KLF16: variants seen among roughly 807,000 people sequenced by gnomAD.
The protein encoded by KLF16 is KLF transcription factor 16.
A neutral mutation model predicts 6.1 loss-of-function variants in KLF16; 6 were observed. The ratio of observed to expected loss-of-function variants is 0.98; its 90% CI spans 0.54 to 1.93. The LOEUF is 1.93. Among genes scored for constraint, KLF16 ranks in the 30% most tolerant of loss-of-function variants. The probability of loss-of-function intolerance (pLI) is 0.01; values close to 1 mark genes in which losing one functional copy is unlikely to be tolerated. For missense variants in KLF16, 355 were observed against 363.8 expected, an observed-to-expected ratio of 0.98 and a Z score of 0.20; for synonymous variants, 211 against 176.5, an observed-to-expected ratio of 1.20 and a Z score of -1.55.
At chr19:1,871,926 A>G in the KLF16 span, among the ~76,000 whole-genome samples, 1 of 152,046 alleles carries the variant, frequency 6.6e-6, no homozygotes, top group South Asian at 2.1e-4. Flanking sequence ...TCCGGCTGGC[A>G]TTTCCTTTCC....
upstream of KLF16, among the ~76,000 whole-genome samples, chr19:1,865,648 G>T (rs1039000861): frequency 2.6e-5 from 4 of 152,176 alleles, no homozygotes; most frequent in Non-Finnish European, 5.9e-5. Flanking sequence ...CCATTATCAG[G>T]GTTTCAAGTG....
upstream of KLF16, among the ~76,000 whole-genome samples, chr19:1,865,879 C>T (rs536670791): frequency 3.3e-5 from 5 of 152,374 alleles, no homozygotes; most frequent in African/African-American, 1.2e-4. Flanking sequence ...CCTGTAAATT[C>T]TCCACCGGGT....
At chr19:1,862,942 C>T (rs1373298025) in intron 1 of KLF16, 99 bp downstream of exon 1, 1 of 687,018 alleles carries the variant, frequency 1.5e-6, no homozygotes, top group East Asian at 8.1e-5. Flanking sequence ...GGCGCGCCCC[C>T]CTCCCCGCCC....
Position 1,863,232 on chromosome 19 carries a change from C to T in KLF16, c.266G>A (p.Gly89Asp). ...LAASILADLR[G>D]GPGAAPGGAS... ...GCCCCCCGGGGCGGCTCCGGGTCCG[C>T]CGCGCAGGTCGGCCAGGATGCTGGC... The change falls in exon 1 of 2, where the codon GGC becomes GAC. Residue 89 changes from glycine (G) to aspartate (D), a missense_variant. Physicochemically the swap from Gly to Asp is moderately conservative, Grantham distance 94. Transcript: ENST00000250916. The T allele has an allele frequency of 9.2e-7, 1 of 1,088,632 alleles. No homozygotes were observed. The highest frequency in any genetic ancestry group is 1.1e-6 in the Non-Finnish European group (1 of 893,932). 67.4% of individuals were successfully genotyped at this position (1,088,632 alleles called of 1,614,324 possible).
upstream of KLF16, among the ~76,000 whole-genome samples, chr19:1,865,799 G>A (rs565979688): frequency 3.3e-4 from 50 of 152,260 alleles, no homozygotes; most frequent in African/African-American, 1.2e-3. Context: ...TGACCCCTGC[G>A]GTGAACACAG....
chr19:1,862,527 C>T (rs1031281292), intron 1 of KLF16, among the ~76,000 whole-genome samples: 1 of 152,108 alleles, frequency 6.6e-6, no homozygotes, highest in Non-Finnish European at 1.5e-5. Context: ...GGGCTCCCCC[C>T]ATCCTGGCCC....
rs1258216823 is a variant in KLF16, at chr19:1,863,515, G to A, written c.-18C>T. Reference sequence around the variant, plus strand: ...GCCGACATGCCGAGCAAGGGCGCGCGGCGCGGCGGGCGGAGCGGAGGCGGC... The same window carrying A: ...GCCGACATGCCGAGCAAGGGCGCGCAGCGCGGCGGGCGGAGCGGAGGCGGC... On this transcript the variant is annotated 5_prime_UTR_variant, in exon 1 of 2. Transcript: ENST00000250916. 110 of 985,482 alleles carry A rather than the reference G, an allele frequency of 1.1e-4. No individual in the cohort carries two copies. Among genetic ancestry groups the A allele is most frequent in the Non-Finnish European group, 1.3e-4 (107 of 830,708 alleles). 61.0% of individuals were successfully genotyped at this position (985,482 alleles called of 1,614,324 possible).
At chr19:1,869,444 C>T in the KLF16 span, among the ~76,000 whole-genome samples, 1 of 152,148 alleles carries the variant, frequency 6.6e-6, no homozygotes, top group Non-Finnish European at 1.5e-5. Context: ...CACACCACTG[C>T]ACTCCAGCCT....
the KLF16 span, chr19:1,875,135 G>A: frequency 6.6e-6 from 1 of 152,162 alleles, no homozygotes; most frequent in Non-Finnish European, 1.5e-5. Flanking sequence ...CCCCTTTAGG[G>A]GCCTAAATAC....
At position 1,853,015 on chromosome 19, in the gene KLF16, G is replaced by C. The variant is rs923180552; in HGVS notation, c.*1444C>G. 3 of 152,238 alleles carry C rather than the reference G, an allele frequency of 2.0e-5. No homozygotes were observed. Among genetic ancestry groups the C allele is most frequent in the African/African-American group, 7.2e-5 (3 of 41,430 alleles). The allele number at this position is 152,238 out of a possible 1,614,324, so 9.4% of individuals were successfully genotyped here. A position where few individuals can be genotyped will look rare whatever the true frequency, so the allele number is the denominator to read the frequency against. On this transcript the variant is annotated 3_prime_UTR_variant, in exon 2 of 2. Coordinates refer to ENST00000250916, the MANE Select transcript of KLF16 (RefSeq NM_031918.4). The stretch of plus-strand genomic sequence containing the variant: ...TACCAAAAACCTCCTGCAGCCAACA[G>C]TGGGGGGATCCACCTTTCTGGGTCT...
chr19:1,858,807 G>A (rs2012005325), intron 1 of KLF16, among the ~76,000 whole-genome samples: 1 of 152,094 alleles, frequency 6.6e-6, no homozygotes, highest in Non-Finnish European at 1.5e-5. Flanking sequence ...AAGGACCCTG[G>A]TGCCTGTGTA....
upstream of KLF16, among the ~76,000 whole-genome samples, chr19:1,867,312 G>A (rs1313162454): frequency 6.6e-6 from 1 of 152,226 alleles, no homozygotes; most frequent in African/African-American, 2.4e-5. Flanking sequence ...ACTCACGCCT[G>A]TAACCCCAAC....
chr19:1,858,865 C>G (rs772015872), intron 1 of KLF16, among the ~76,000 whole-genome samples: 16 of 152,078 alleles, frequency 1.1e-4, no homozygotes, highest in Non-Finnish European at 2.1e-4. Context: ...CCCCCGCCCC[C>G]ACAGCTCACC....
At chr19:1,862,250 C>A (rs1017067065) in intron 1 of KLF16, among the ~76,000 whole-genome samples, 8 of 152,204 alleles carry the variant, frequency 5.3e-5, no homozygotes, top group African/African-American at 1.9e-4. Flanking sequence ...CCAGGCCCAC[C>A]AGGCTCCCGG....
At chr19:1,859,977 C>T (rs935151567) in intron 1 of KLF16, among the ~76,000 whole-genome samples, 4 of 152,132 alleles carry the variant, frequency 2.6e-5, no homozygotes, top group African/African-American at 7.2e-5. Context: ...ACGATCAGGC[C>T]CCAAATGTCT....
intron 1 of KLF16, among the ~76,000 whole-genome samples, chr19:1,856,359 C>G (rs2011949622): frequency 6.6e-6 from 1 of 152,200 alleles, no homozygotes; most frequent in Non-Finnish European, 1.5e-5. Flanking sequence ...AAAAAACCTT[C>G]CCTTCTCATC....
chr19:1,861,572 C>T (rs1207788898), intron 1 of KLF16: 1 of 152,260 alleles, frequency 6.6e-6, no homozygotes, highest in Non-Finnish European at 1.5e-5. Context: ...TGGCTCCTCG[C>T]AGAAAACGCA....
the KLF16 span, among the ~76,000 whole-genome samples, chr19:1,869,573 T>A: frequency 6.6e-6 from 1 of 152,210 alleles, no homozygotes; most frequent in South Asian, 2.1e-4. Context: ...CCCGTGCAGC[T>A]CTTCTGTAGA....
chr19:1,863,463 G>A lies in KLF16; in HGVS notation c.35C>T (p.Ala12Val). 1 of 1,049,734 alleles carries A rather than the reference G, an allele frequency of 9.5e-7. No individual in the cohort carries two copies. The allele number at this position is 1,049,734 out of a possible 1,614,324, so 65.0% of individuals were successfully genotyped here. Reference sequence around the variant, plus strand: ...AGAGATGGCCATGAGCACGTCGGCGGCGAAGTAATCCACGCACGCCACGGC... The same window carrying A: ...AGAGATGGCCATGAGCACGTCGGCGACGAAGTAATCCACGCACGCCACGGC... ...SAAVACVDYF[A>V]ADVLMAISSG... Residue 12 changes from alanine (A) to valine (V), a missense_variant, in exon 1 of 2, where the codon GCC becomes GTC. Ala to Val is a moderately conservative substitution (Grantham distance 64, BLOSUM62 0). Transcript: ENST00000250916.
Sources: gnomAD v4.1 joint callset for allele counts (sites outside exome capture counted in the v4.1 genomes callset) on GRCh38, gnomAD v4.1.1 for gene constraint, MANE v1.5 for transcripts, NCBI Gene and HGNC (gene_info 2026-07-23, HGNC 2026-07-21) for gene names.